The following CNTNAP4 variants were observed in gnomAD, a reference collection of about 807,000 sequenced individuals.
CNTNAP4 encodes the protein contactin associated protein family member 4.
In CNTNAP4, 98 loss-of-function variants were observed where a neutral mutation model predicts 148.4. That is an observed-to-expected ratio of 0.66 (90% CI 0.56 to 0.78). The LOEUF is 0.78. Ranked by LOEUF, CNTNAP4 falls within the 30% of genes least tolerant of loss-of-function variation. CNTNAP4 has a pLI of 0.00. For missense variants in CNTNAP4, 1,935 were observed against 1,565.6 expected, an observed-to-expected ratio of 1.24 and a Z score of -3.98; for synonymous variants, 730 against 565.1, an observed-to-expected ratio of 1.29 and a Z score of -4.14.
At chr16:76,425,821 CTG>C (rs2079372700) in intron 3 of CNTNAP4, among the ~76,000 whole-genome samples, 2 of 152,100 alleles carry the variant, frequency 1.3e-5, no homozygotes, top group African/African-American at 4.8e-5. Context: ...TTGCTAAAGA[CTG>C]TGTTTGAATA....
chr16:76,357,471 G>A (rs555474993), intron 3 of CNTNAP4, among the ~76,000 whole-genome samples: 4 of 152,164 alleles, frequency 2.6e-5, no homozygotes, highest in Non-Finnish European at 5.9e-5. Flanking sequence ...ATCCTTACTA[G>A]TCCAAACCAG....
rs190129187 is a variant in CNTNAP4, at chr16:76,521,544, T to C, written c.2536+234T>C. Among the ~76,000 whole-genome samples the C allele has an allele frequency of 2.7e-3, 418 of 152,326 alleles. 1 individual carries two copies. Among genetic ancestry groups the C allele is most frequent in the Non-Finnish European group, 4.1e-3 (277 of 68,024 alleles). On this transcript the variant is annotated intron_variant, in intron 16 of 23. Coordinates refer to ENST00000611870, the MANE Select transcript of CNTNAP4 (RefSeq NM_033401.5). ...TTCTTGTACCAATTTAAATGCAGTTTTAATTTCAGTTAATTAAAACTAAAA... is the reference window on the plus strand; with the variant it reads ...TTCTTGTACCAATTTAAATGCAGTTCTAATTTCAGTTAATTAAAACTAAAA...
intron 3 of CNTNAP4, among the ~76,000 whole-genome samples, chr16:76,393,402 C>A (rs933296889): frequency 8.5e-5 from 13 of 152,304 alleles, no homozygotes; most frequent in Admixed American, 3.9e-4. Flanking sequence ...ATGATAGCAA[C>A]CCACATTGCT....
intron 13 of CNTNAP4, among the ~76,000 whole-genome samples, chr16:76,492,324 C>T (rs11149906): frequency 0.8 from 121,830 of 152,072 alleles, 50,240 homozygotes; most frequent in East Asian, 0.96. Context: ...TTGTGGTAAT[C>T]ATTTCACAGT....
At chr16:76,552,763 GT>G (rs1410258641) in intron 21 of CNTNAP4, among the ~76,000 whole-genome samples, 2 of 152,134 alleles carry the variant, frequency 1.3e-5, no homozygotes, top group Non-Finnish European at 2.9e-5. Flanking sequence ...TTATGTTTGG[GT>G]GGGGCCATAA....
At chr16:76,299,872 A>G (rs971396968) in intron 1 of CNTNAP4, among the ~76,000 whole-genome samples, 1 of 152,128 alleles carries the variant, frequency 6.6e-6, no homozygotes, top group African/African-American at 2.4e-5. Flanking sequence ...GGAAACCATC[A>G]TTATCAGCAA....
chr16:76,306,573 G>A (rs780645681), intron 1 of CNTNAP4, among the ~76,000 whole-genome samples: 5 of 152,198 alleles, frequency 3.3e-5, no homozygotes, highest in Admixed American at 1.3e-4. Context: ...GGATTTGAAC[G>A]TGAGATGTCA....
intron 2 of CNTNAP4, among the ~76,000 whole-genome samples, chr16:76,352,413 C>T (rs1413378885): frequency 6.6e-6 from 1 of 152,098 alleles, no homozygotes. Flanking sequence ...CCTGAGCTTC[C>T]CTGATCTCCA....
intron 3 of CNTNAP4, among the ~76,000 whole-genome samples, chr16:76,376,671 A>G (rs1227075484): frequency 6.6e-6 from 1 of 152,174 alleles, no homozygotes; most frequent in African/African-American, 2.4e-5. Flanking sequence ...GCTGTGTGCA[A>G]CTGTGCATAC....
intron 9 of CNTNAP4, among the ~76,000 whole-genome samples, chr16:76,462,507 GA>G (rs1323437545): frequency 5.9e-5 from 9 of 152,258 alleles, no homozygotes; most frequent in African/African-American, 1.7e-4. Flanking sequence ...GTCCAGTACA[GA>G]AGGACAATAT....
rs374386866 is a variant in CNTNAP4, at chr16:76,424,978, G to C, written c.391-2474G>C. 1.3e-3 allele frequency among the ~76,000 whole-genome samples: 197 copies of C among 152,202 alleles called. 1 individual carries two copies. Among genetic ancestry groups the C allele is most frequent in the African/African-American group, 4.1e-3 (172 of 41,530 alleles). ...TTGCCATAGAAATTGAGACTGTAGT[G>C]CTCTAGAGGTTGGGTGGGAATAAGA... On this transcript the variant is annotated intron_variant, in intron 3 of 23. Transcript: ENST00000611870.
intron 1 of CNTNAP4, among the ~76,000 whole-genome samples, chr16:76,292,684 T>C (rs140109838): frequency 6.2e-4 from 94 of 151,872 alleles, no homozygotes; most frequent in African/African-American, 2.1e-3. Flanking sequence ...ATCATAGAGT[T>C]TTCTGTCTTC....
chr16:76,303,230 A>T (rs549689854), intron 1 of CNTNAP4, among the ~76,000 whole-genome samples: 2 of 152,118 alleles, frequency 1.3e-5, no homozygotes, highest in Admixed American at 6.6e-5. Flanking sequence ...AGAAATAGCT[A>T]TTTATTAAAC....
intron 2 of CNTNAP4, among the ~76,000 whole-genome samples, chr16:76,329,245 G>A (rs1963292505): frequency 6.6e-6 from 1 of 152,082 alleles, no homozygotes; most frequent in African/African-American, 2.4e-5. Context: ...GGGTGTTTAG[G>A]CATCCATAAT....
At chr16:76,513,732 T>G (rs7200930) in intron 15 of CNTNAP4, among the ~76,000 whole-genome samples, 1 of 151,952 alleles carries the variant, frequency 6.6e-6, no homozygotes, top group South Asian at 2.1e-4. Flanking sequence ...ATGCAGGAAG[T>G]TATTAAGAAC....
chr16:76,403,675 G>A (rs925381039), intron 3 of CNTNAP4, among the ~76,000 whole-genome samples: 4 of 152,034 alleles, frequency 2.6e-5, no homozygotes, highest in Admixed American at 1.3e-4. Flanking sequence ...CCACCATTTG[G>A]CCCAACAATC....
chr16:76,479,500 G>T lies in CNTNAP4; in HGVS notation c.1844G>T (p.Gly615Val). The T allele has an allele frequency of 5.6e-6, 9 of 1,610,636 alleles. No homozygotes were observed. Among genetic ancestry groups the T allele is most frequent in the Non-Finnish European group, 7.6e-6 (9 of 1,178,620 alleles). ...TACTATATAGATTCAGATGGAAGTG[G>T]TCCCCTGGAACCATTTCTTCTATAT... ...GFYYIDSDGSGPLEPFLLYCN... is the reference protein window; with the variant it reads ...GFYYIDSDGSVPLEPFLLYCN... Residue 615 changes from glycine (G) to valine (V), a missense_variant, in exon 12 of 24, where the codon GGT (glycine) becomes GTT (valine). Gly to Val is a moderately radical substitution (Grantham distance 109). Coordinates refer to ENST00000611870, the MANE Select transcript of CNTNAP4 (RefSeq NM_033401.5).
intron 3 of CNTNAP4, among the ~76,000 whole-genome samples, chr16:76,358,407 T>G (rs562521998): frequency 6.6e-6 from 1 of 152,258 alleles, no homozygotes; most frequent in Non-Finnish European, 1.5e-5. Flanking sequence ...AAAGAAAGAT[T>G]AAGCGGAACA....
chr16:76,550,032 C>G (rs1232962073), intron 21 of CNTNAP4, among the ~76,000 whole-genome samples: 1 of 152,120 alleles, frequency 6.6e-6, no homozygotes, highest in Non-Finnish European at 1.5e-5. Context: ...TCAAAAATCA[C>G]AGGGTATCTT....
Sources: gnomAD v4.1 joint callset for allele counts (sites outside exome capture counted in the v4.1 genomes callset) on GRCh38, gnomAD v4.1.1 for gene constraint, MANE v1.5 for transcripts, NCBI Gene and HGNC (gene_info 2026-07-23, HGNC 2026-07-21) for gene names.